Variants in ROR1 observed in about 807,000 individuals in gnomAD.
The protein encoded by ROR1 is inactive tyrosine-protein kinase transmembrane receptor ROR1.
Under a neutral mutation model 78.8 loss-of-function variants are expected in ROR1, and 19 were observed. The ratio of observed to expected loss-of-function variants is 0.24; its 90% confidence interval spans 0.17 to 0.35. The LOEUF is 0.35. ROR1 is among the 10% of genes least tolerant of loss of function. The pLI is 1.00. For synonymous variants in ROR1, 386 were observed against 433.6 expected (o/e 0.89, Z 1.36); for missense variants, 917 against 1,177.8 (o/e 0.78, Z 3.24).
intron 1 of ROR1, among the ~76,000 whole-genome samples, chr1:64,007,543 C>T (rs1646438921): frequency 5.9e-5 from 9 of 152,074 alleles, no homozygotes; most frequent in Admixed American, 5.9e-4. Flanking sequence ...TTTTAACAGC[C>T]CGTAAGTACT....
At chr1:64,157,057 A>C (rs1649795552) in intron 7 of ROR1, among the ~76,000 whole-genome samples, 1 of 152,244 alleles carries the variant, frequency 6.6e-6, no homozygotes, top group Non-Finnish European at 1.5e-5. Flanking sequence ...AAATGAGTTT[A>C]TGAAAAGCAC....
intron 4 of ROR1, among the ~76,000 whole-genome samples, chr1:64,052,032 A>G (rs555957159): frequency 1.3e-5 from 2 of 152,222 alleles, no homozygotes; most frequent in Non-Finnish European, 2.9e-5. Flanking sequence ...CAGTTCTGCT[A>G]TTTCATCAGC....
chr1:63,962,153 G>C (rs1646034932), intron 1 of ROR1, among the ~76,000 whole-genome samples: 1 of 152,138 alleles, frequency 6.6e-6, no homozygotes, highest in African/African-American at 2.4e-5. Flanking sequence ...CCAGCTACTT[G>C]GGAGGCTGAG....
At chr1:64,025,372 A>G (rs929816147) in intron 2 of ROR1, among the ~76,000 whole-genome samples, 3 of 152,192 alleles carry the variant, frequency 2.0e-5, no homozygotes, top group Admixed American at 6.5e-5. Context: ...AACTAGTACA[A>G]CCACTATGGA....
chr1:64,138,615 G>A (rs568981108), intron 5 of ROR1, among the ~76,000 whole-genome samples: 212 of 150,196 alleles, frequency 1.4e-3, no homozygotes, highest in Non-Finnish European at 1.8e-3. Context: ...GCGCGATCTC[G>A]GCTCACTGCA....
chr1:63,897,878 C>T (rs528186017), intron 1 of ROR1, among the ~76,000 whole-genome samples: 34 of 152,338 alleles, frequency 2.2e-4, no homozygotes, highest in African/African-American at 7.9e-4. Flanking sequence ...AATGACCCTG[C>T]TCCATACAGT....
At chr1:63,794,027 T>G (rs1172241909) in intron 1 of ROR1, among the ~76,000 whole-genome samples, 2 of 152,180 alleles carry the variant, frequency 1.3e-5, no homozygotes, top group African/African-American at 4.8e-5. Flanking sequence ...GGGCCCTGGT[T>G]GCTGGGGAAC....
At chr1:64,158,540 A>G (rs1483683650) in intron 7 of ROR1, among the ~76,000 whole-genome samples, 1 of 152,210 alleles carries the variant, frequency 6.6e-6, no homozygotes, top group East Asian at 1.9e-4. Flanking sequence ...CAGCCAAGAC[A>G]AGGTCATGAT....
At chr1:63,804,777 A>G (rs1248480295) in intron 1 of ROR1, among the ~76,000 whole-genome samples, 1 of 152,056 alleles carries the variant, frequency 6.6e-6, no homozygotes, top group South Asian at 2.1e-4. Context: ...CCTAGCTGCA[A>G]TCTCTCCCCT....
intron 1 of ROR1, among the ~76,000 whole-genome samples, chr1:63,959,138 C>G (rs1217177096): frequency 6.6e-6 from 1 of 152,124 alleles, no homozygotes; most frequent in Non-Finnish European, 1.5e-5. Flanking sequence ...GCAAACATGT[C>G]CTTCTTCACA....
At chr1:63,832,940 G>C (rs996034537) in intron 1 of ROR1, among the ~76,000 whole-genome samples, 2 of 152,158 alleles carry the variant, frequency 1.3e-5, no homozygotes, top group Non-Finnish European at 2.9e-5. Context: ...ACAACTTTCT[G>C]TCCATTTTCT....
At chr1:63,946,480 A>G (rs764104775) in intron 1 of ROR1, among the ~76,000 whole-genome samples, 12 of 152,210 alleles carry the variant, frequency 7.9e-5, no homozygotes, top group Non-Finnish European at 7.4e-5. Context: ...GGTGTACAAC[A>G]TATGTTTTGA....
At chr1:63,948,739 G>T (rs1425671367) in intron 1 of ROR1, among the ~76,000 whole-genome samples, 5 of 152,160 alleles carry the variant, frequency 3.3e-5, no homozygotes, top group Non-Finnish European at 7.3e-5. Flanking sequence ...TTGGATTAGT[G>T]TCCTTATAAA....
chr1:64,167,544 C>T (rs1650119274), intron 8 of ROR1, among the ~76,000 whole-genome samples: 2 of 152,188 alleles, frequency 1.3e-5, no homozygotes, highest in South Asian at 4.1e-4. Flanking sequence ...GCTGTGGCCT[C>T]TAAGCTTTTA....
chr1:63,948,474 T>C (rs1645908544), intron 1 of ROR1, among the ~76,000 whole-genome samples: 1 of 152,106 alleles, frequency 6.6e-6, no homozygotes, highest in Non-Finnish European at 1.5e-5. Context: ...TTCCAGAGGG[T>C]ATAAGCCAGA....
intron 1 of ROR1, among the ~76,000 whole-genome samples, chr1:63,939,063 A>C (rs1645815988): frequency 6.6e-6 from 1 of 152,212 alleles, no homozygotes; most frequent in African/African-American, 2.4e-5. Flanking sequence ...CTTTAAATTC[A>C]TTTCATATAA....
intron 1 of ROR1, among the ~76,000 whole-genome samples, chr1:63,959,971 C>T (rs931212532): frequency 2.6e-5 from 4 of 152,226 alleles, no homozygotes; most frequent in African/African-American, 7.2e-5. Flanking sequence ...TCACCTCCCA[C>T]GAGAAGGCCT....
intron 1 of ROR1, among the ~76,000 whole-genome samples, chr1:63,888,067 G>T (rs890882130): frequency 1.3e-5 from 2 of 152,150 alleles, no homozygotes; most frequent in Non-Finnish European, 2.9e-5. Context: ...CCTAGAGCAG[G>T]CCTATGAGAG....
intron 8 of ROR1, among the ~76,000 whole-genome samples, chr1:64,165,084 T>G (rs1650048978): frequency 6.6e-6 from 1 of 152,246 alleles, no homozygotes; most frequent in South Asian, 2.1e-4. Context: ...TGTGTCCTTA[T>G]AATAAAATCA....
Sources: gnomAD v4.1 joint callset for allele counts (sites outside exome capture counted in the v4.1 genomes callset) on GRCh38, gnomAD v4.1.1 for gene constraint, MANE v1.5 for transcripts, NCBI Gene and HGNC (gene_info 2026-07-23, HGNC 2026-07-21) for gene names.